RNF213: variants seen among roughly 807,000 people sequenced by gnomAD.
RNF213 encodes E3 ubiquitin-protein ligase RNF213.
A neutral mutation model predicts 514.4 loss-of-function variants in RNF213; 341 were observed. The observed-to-expected ratio is 0.66, with a 90% CI of 0.61 to 0.73. The LOEUF is 0.73. Ranked by LOEUF, RNF213 falls within the 30% of genes least tolerant of loss-of-function variation. The probability of loss-of-function intolerance (pLI) is 0.00; values close to 1 mark genes in which losing one functional copy is unlikely to be tolerated. For synonymous variants in RNF213, 2,655 were observed against 2,658.2 expected, an observed-to-expected ratio of 1.00 and a Z score of 0.04; for missense variants, 5,767 against 6,615.6, an observed-to-expected ratio of 0.87 and a Z score of 4.45.
At chr17:80,360,943 C>G (rs980501169) in intron 38 of RNF213, among the ~76,000 whole-genome samples, 1 of 152,164 alleles carries the variant, frequency 6.6e-6, no homozygotes, top group African/African-American at 2.4e-5. Flanking sequence ...CCAACTGACC[C>G]TGCTTTTCTA....
At chr17:80,305,580 T>A (rs2045329573) in intron 11 of RNF213, among the ~76,000 whole-genome samples, 1 of 151,926 alleles carries the variant, frequency 6.6e-6, no homozygotes, top group African/African-American at 2.4e-5. Context: ...TTCCGTATTC[T>A]GAATTCTATA....
intron 41 of RNF213, 75 bp from the exon 42 acceptor site, chr17:80,364,358 T>C: frequency 1.2e-6 from 2 of 1,607,626 alleles, no homozygotes; most frequent in Non-Finnish European, 1.7e-6. Context: ...TCTTCTCCCG[T>C]CTCCCTCCTC....
In RNF213 at chr17:80,368,083, G is replaced by GC. The variant is rs1418046626; in HGVS notation, c.12099dup (p.Tyr4034LeufsTer23). The GC allele has an allele frequency of 6.2e-7, 1 of 1,614,250 alleles. No individual in the cohort carries two copies. Among genetic ancestry groups the GC allele is most frequent in the East Asian group, 2.2e-5 (1 of 44,888 alleles). ...TGGTTTGCCTCAGAGCAGATGATAT[G>GC]CCCCTACTGTTTAACTGCCTTGCCA... On this transcript the variant is annotated frameshift_variant, in exon 44 of 68. Coordinates refer to ENST00000582970, the MANE Select transcript of RNF213 (RefSeq NM_001256071.3). LOFTEE classifies it high-confidence loss of function.
Position 80,264,924 on chromosome 17 carries a change from C to T in RNF213, c.97+1146C>T, listed in dbSNP as rs774793193. Reference sequence around the variant, plus strand: ...ACCGCAGGGCCTTTGCACCACCCTTCCCCAGAGGGCGGCCTGGCTCCCTCC... The same window carrying T: ...ACCGCAGGGCCTTTGCACCACCCTTTCCCAGAGGGCGGCCTGGCTCCCTCC... On this transcript the variant is annotated intron_variant, in intron 2 of 67. Coordinates refer to ENST00000582970, the MANE Select transcript of RNF213 (RefSeq NM_001256071.3). This position sits in a 1 kb window ranked among gnomAD's most constrained non-coding sequence, Gnocchi z 5.0. 6.6e-6 allele frequency among the ~76,000 whole-genome samples: 1 copy of T among 152,178 alleles called. No individual in the cohort carries two copies. Among genetic ancestry groups the T allele is most frequent in the African/African-American group, 2.4e-5 (1 of 41,436 alleles).
chr17:80,321,296 T>C (rs2046128946), intron 17 of RNF213: 1 of 152,222 alleles, frequency 6.6e-6, no homozygotes, highest in African/African-American at 2.4e-5. Context: ...ACTTGTGGCA[T>C]CATTATACTC....
chr17:80,385,651 C>T (rs370832733), intron 61 of RNF213, 30 bp downstream of exon 61: 39 of 1,586,672 alleles, frequency 2.5e-5, no homozygotes, highest in Non-Finnish European at 3.1e-5. Flanking sequence ...TACCACTAAG[C>T]GTTCCAGGAG....
At chr17:80,360,238 CACAGG>C in intron 38 of RNF213, 32 bp downstream of exon 38, 1 of 1,601,512 alleles carries the variant, frequency 6.2e-7, no homozygotes, top group Non-Finnish European at 8.5e-7. Flanking sequence ...TCAGATTCAG[CACAGG>C]TGAATCACAA....
chr17:80,303,588 C>T (rs1359605997), intron 11 of RNF213, among the ~76,000 whole-genome samples: 1 of 139,970 alleles, frequency 7.1e-6, no homozygotes, highest in Non-Finnish European at 1.5e-5. Flanking sequence ...TTTTTTGAGA[C>T]AGTCCTGCTC....
chr17:80,389,072 G>T, intron 64 of RNF213, 101 bp from the exon 65 acceptor site: 1 of 1,131,834 alleles, frequency 8.8e-7, no homozygotes. Flanking sequence ...TTGGCCCCCC[G>T]CATGTGGCTT....
chr17:80,367,367 A>T (rs1479864228), intron 42 of RNF213, among the ~76,000 whole-genome samples: 7 of 152,230 alleles, frequency 4.6e-5, no homozygotes, highest in Non-Finnish European at 7.3e-5. Flanking sequence ...AGAAAATTTT[A>T]AAAAATTTAA....
intron 37 of RNF213, 134 bp from the exon 38 acceptor site, chr17:80,359,927 A>G: frequency 1.2e-6 from 1 of 814,848 alleles, no homozygotes; most frequent in East Asian, 2.6e-5. Context: ...GAAACAGATC[A>G]GCGCCGTCTG....
chr17:80,377,266 G>T lies in RNF213; in HGVS notation c.13510+303G>T. 1 of 446,944 alleles carries T rather than the reference G, an allele frequency of 2.2e-6. No individual in the cohort carries two copies. The highest frequency in any genetic ancestry group is 4.1e-6 in the Non-Finnish European group (1 of 244,054). 27.7% of individuals were successfully genotyped at this position (446,944 alleles called of 1,614,324 possible). ...AGGGACTGGGAACCACATCAGAGACGCATTCAAAGGCCCACCACAAAACAA... is the reference window on the plus strand; with the variant it reads ...AGGGACTGGGAACCACATCAGAGACTCATTCAAAGGCCCACCACAAAACAA... On this transcript the variant is annotated intron_variant, in intron 53 of 67. Coordinates refer to ENST00000582970, the MANE Select transcript of RNF213 (RefSeq NM_001256071.3). The surrounding 1 kb of genome is among the most constrained non-coding windows in gnomAD (Gnocchi z 4.1).
intron 36 of RNF213, among the ~76,000 whole-genome samples, chr17:80,356,267 G>C (rs147194772): frequency 3.3e-5 from 5 of 152,366 alleles, no homozygotes; most frequent in Admixed American, 6.5e-5. Context: ...CTCCCGAAGT[G>C]CTGGGATTCC....
intron 57 of RNF213, chr17:80,382,048 G>A (rs2080028963): frequency 2.7e-6 from 1 of 371,344 alleles, no homozygotes; most frequent in Non-Finnish European, 5.2e-6. Context: ...GGAGTCTTCA[G>A]TTCCGAAGTC....
chr17:80,299,319 C>T (rs1042514804), intron 11 of RNF213, among the ~76,000 whole-genome samples: 1 of 152,180 alleles, frequency 6.6e-6, no homozygotes, highest in African/African-American at 2.4e-5. Flanking sequence ...AGCGTGCTTT[C>T]ATAAGCATCC....
intron 51 of RNF213, 42 bp downstream of exon 51, chr17:80,375,912 T>C: frequency 1.5e-6 from 2 of 1,330,236 alleles, no homozygotes; most frequent in South Asian, 1.2e-5. Context: ...GTCTCAGTAT[T>C]TGGAGGGATT....
At chr17:80,331,390 C>CTTTTTTTT (rs35912728) in intron 20 of RNF213, among the ~76,000 whole-genome samples, 1 of 136,350 alleles carries the variant, frequency 7.3e-6, no homozygotes, top group African/African-American at 2.7e-5. Context: ...CAGTTTATGA[C>CTTTTTTTT]TTTTTTTTTT....
intron 67 of RNF213, among the ~76,000 whole-genome samples, 197 bp downstream of exon 67, chr17:80,390,393 T>A (rs952486427): frequency 6.6e-6 from 1 of 152,162 alleles, no homozygotes; most frequent in African/African-American, 2.4e-5. Flanking sequence ...TACACAAGTG[T>A]TTTTCAGACA....
chr17:80,386,129 A>ACCGAGAC (rs938196623), intron 61 of RNF213, 121 bp from the exon 62 acceptor site: 7 of 941,388 alleles, frequency 7.4e-6, no homozygotes, highest in African/African-American at 1.6e-5. Context: ...ATGGGGCAGA[A>ACCGAGAC]CCGAGACCCG....
Sources: gnomAD v4.1 joint callset for allele counts (sites outside exome capture counted in the v4.1 genomes callset) on GRCh38, gnomAD v4.1.1 for gene constraint, Gnocchi (gnomAD v3.1) non-coding constraint, MANE v1.5 for transcripts, NCBI Gene and HGNC (gene_info 2026-07-23, HGNC 2026-07-21) for gene names.